The following CDH23 variants were observed in gnomAD, a reference collection of about 807,000 sequenced individuals.
CDH23 encodes the protein cadherin-23.
Under a neutral mutation model 317.1 loss-of-function variants are expected in CDH23, and 189 were observed. The ratio of observed to expected loss-of-function variants is 0.60; its 90% CI spans 0.53 to 0.67. The LOEUF (loss-of-function observed/expected upper bound fraction) is 0.67. Ranked by LOEUF, CDH23 falls within the 30% of genes least tolerant of loss-of-function variation. CDH23 has a pLI of 0.00. For synonymous variants in CDH23, 1,839 were observed against 1,876.8 expected, an observed-to-expected ratio of 0.98 and a Z score of 0.52; for missense variants, 4,401 against 4,592.4, an observed-to-expected ratio of 0.96 and a Z score of 1.20.
chr10:71,679,754 G>C (rs956091198), intron 17 of CDH23, among the ~76,000 whole-genome samples: 5 of 152,228 alleles, frequency 3.3e-5, no homozygotes, highest in Admixed American at 3.3e-4. Flanking sequence ...AGCCAGAAGT[G>C]TGATGTTAAC....
chr10:71,448,243 G>A (rs10823755), intron 3 of CDH23, among the ~76,000 whole-genome samples: 45,533 of 152,176 alleles, frequency 0.3, 6,994 homozygotes, highest in Middle Eastern at 0.4. Context: ...TGACAAGCCC[G>A]GGCTGGAAGC....
intron 9 of CDH23, among the ~76,000 whole-genome samples, chr10:71,590,543 C>T (rs1386758385): frequency 3.9e-5 from 6 of 152,182 alleles, no homozygotes; most frequent in East Asian, 1.9e-4. Flanking sequence ...CACTTCACAA[C>T]GACGTCCGGC....
intron 3 of CDH23, among the ~76,000 whole-genome samples, chr10:71,495,555 G>C (rs907128209): frequency 6.6e-6 from 1 of 152,030 alleles, no homozygotes; most frequent in Non-Finnish European, 1.5e-5. Context: ...ATCTTAAGCC[G>C]GGCACGGTGG....
chr10:71,702,560 C>A lies in CDH23; in HGVS notation c.2599C>A (p.Pro867Thr), dbSNP rs1564742964. 2 of 1,613,962 alleles carry A rather than the reference C, an allele frequency of 1.2e-6. No homozygotes were observed. Among genetic ancestry groups the A allele is most frequent in the Non-Finnish European group, 8.5e-7 (1 of 1,179,884 alleles). ...CCTGGTCTTCCCAGGTGGCAGGCCC[C>A]CTCTGAAAGCCACCAGCAGTGCCAC... ...VVSVTDCGRP[P>T]LKATSSATVF... is the part of the protein sequence containing the mutation. Residue 867 changes from proline to threonine, a missense_variant, in exon 24 of 70, where the codon CCT becomes ACT. This residue lies in a region of CDH23 where 3,068 missense variants were observed against 3,203.3 expected (regional missense o/e 0.96). Transcript: ENST00000224721.
intron 6 of CDH23, among the ~76,000 whole-genome samples, chr10:71,525,197 G>A (rs1355467892): frequency 3.9e-5 from 6 of 152,246 alleles, no homozygotes; most frequent in Non-Finnish European, 8.8e-5. Flanking sequence ...GTGAGCCACT[G>A]TGCCCGGCCG....
At chr10:71,579,283 T>C (rs1286272674) in intron 9 of CDH23, among the ~76,000 whole-genome samples, 1 of 152,078 alleles carries the variant, frequency 6.6e-6, no homozygotes, top group African/African-American at 2.4e-5. Flanking sequence ...ACATGACTAT[T>C]GTTGCACCTC....
intron 3 of CDH23, among the ~76,000 whole-genome samples, chr10:71,497,341 G>C (rs1490539251): frequency 1.3e-5 from 2 of 152,166 alleles, no homozygotes; most frequent in Non-Finnish European, 2.9e-5. Flanking sequence ...TGTTATCACT[G>C]TTATTAAATC....
At chr10:71,804,661 C>T (rs929461807) in intron 55 of CDH23, among the ~76,000 whole-genome samples, 1 of 152,174 alleles carries the variant, frequency 6.6e-6, no homozygotes, top group Non-Finnish European at 1.5e-5. Context: ...ATTGAGCAGT[C>T]GGTCCTCTTT....
At chr10:71,653,828 A>G (rs539826419) in intron 14 of CDH23, among the ~76,000 whole-genome samples, 15 of 152,364 alleles carry the variant, frequency 9.8e-5, no homozygotes, top group African/African-American at 1.4e-4. Flanking sequence ...TTATCCCACA[A>G]TGAAGAGAGA....
chr10:71,785,492 C>T, intron 43 of CDH23, 139 bp from the exon 44 acceptor site: 2 of 643,470 alleles, frequency 3.1e-6, no homozygotes, highest in Non-Finnish European at 5.6e-6. Flanking sequence ...CCGGCGAGAC[C>T]CTGCCGACCC....
intron 9 of CDH23, among the ~76,000 whole-genome samples, chr10:71,609,118 C>A (rs1292255982): frequency 6.6e-6 from 1 of 152,012 alleles, no homozygotes; most frequent in African/African-American, 2.4e-5. Context: ...AGGGGCGATG[C>A]TGCAGGTGGG....
intron 15 of CDH23, among the ~76,000 whole-genome samples, chr10:71,676,203 G>A (rs1392309485): frequency 6.6e-6 from 1 of 151,054 alleles, no homozygotes; most frequent in African/African-American, 2.4e-5. Context: ...CACTGCACCC[G>A]GCCCCCTCTC....
intron 6 of CDH23, among the ~76,000 whole-genome samples, 158 bp from the exon 7 acceptor site, chr10:71,566,584 G>T (rs1032359496): frequency 6.6e-6 from 1 of 152,196 alleles, no homozygotes; most frequent in African/African-American, 2.4e-5. Context: ...AAAAGATACC[G>T]CATTTTAAAT....
intron 11 of CDH23, among the ~76,000 whole-genome samples, chr10:71,640,753 G>GA (rs949859762): frequency 5.2e-4 from 78 of 150,484 alleles, no homozygotes; most frequent in East Asian, 3.9e-4. Flanking sequence ...GACTCTGTCT[G>GA]AAAAAAAAAG....
At chr10:71,576,989 C>A (rs767812874) in intron 8 of CDH23, among the ~76,000 whole-genome samples, 1 of 152,170 alleles carries the variant, frequency 6.6e-6, no homozygotes, top group South Asian at 2.1e-4. Flanking sequence ...GCCCAGAGCA[C>A]CTTCCTCTTC....
intron 26 of CDH23, among the ~76,000 whole-genome samples, chr10:71,708,768 C>T (rs1014945161): frequency 3.9e-5 from 6 of 152,236 alleles, no homozygotes; most frequent in African/African-American, 9.6e-5. Context: ...CAGGGACCCA[C>T]GCATGGAGAA....
intron 38 of CDH23, chr10:71,747,856 A>G (rs891526694): frequency 6.6e-6 from 1 of 152,244 alleles, no homozygotes; most frequent in Non-Finnish European, 1.5e-5. Flanking sequence ...CTCTCAACAC[A>G]TTCCAGGATA....
Position 71,800,741 on chromosome 10 carries a change from G to A in CDH23, c.7468G>A (p.Glu2490Lys), listed in dbSNP as rs41281336. 1,019 of 1,613,916 alleles carry A rather than the reference G, an allele frequency of 6.3e-4. No homozygotes were observed. The highest frequency in any genetic ancestry group is 8.1e-4 in the Non-Finnish European group (955 of 1,179,858). ...TGGGGATGTAGCCAGCAACCGTCGC[G>A]AAAATTCAGTGCAGGTGAGGGGTGC... is the stretch of plus-strand genomic sequence containing the variant. ...NPGDVASNRR[E>K]NSVQVVIQVL... The change falls in exon 53 of 70, where the codon GAA becomes AAA. Residue 2490 changes from glutamate (E) to lysine (K), a missense_variant. Physicochemically the swap from Glu to Lys is moderately conservative, Grantham distance 56. This residue lies in a region of CDH23 where 189 missense variants were observed against 250.9 expected (regional missense o/e 0.75). Transcript: ENST00000224721.
At chr10:71,716,091 T>G in intron 28 of CDH23, 1 of 1,532,384 alleles carries the variant, frequency 6.5e-7, no homozygotes, top group East Asian at 2.5e-5. Context: ...TGGGGCTCAC[T>G]GGGGCTCCCA....
Sources: allele counts gnomAD v4.1 joint callset (sites outside exome capture counted in the v4.1 genomes callset), GRCh38; gene constraint gnomAD v4.1.1; regional missense constraint gnomAD v4.1.1; transcripts MANE v1.5; gene names NCBI Gene and HGNC (gene_info 2026-07-23, HGNC 2026-07-21).